VAV2: variants seen among roughly 807,000 people sequenced by gnomAD.
VAV2 encodes vav guanine nucleotide exchange factor 2, also known as guanine nucleotide exchange factor VAV2.
In VAV2, 67 loss-of-function variants were observed where a neutral mutation model predicts 132.5. The observed-to-expected ratio is 0.51, with a 90% CI of 0.42 to 0.62. VAV2 has a LOEUF of 0.62. Ranked by LOEUF, VAV2 falls within the 20% of genes least tolerant of loss-of-function variation. The probability of loss-of-function intolerance (pLI) is 0.00; values close to 1 mark genes in which losing one functional copy is unlikely to be tolerated. For synonymous variants in VAV2, 492 were observed against 443.5 expected, an observed-to-expected ratio of 1.11 and a Z score of -1.37; for missense variants, 938 against 1,153.6, an observed-to-expected ratio of 0.81 and a Z score of 2.71.
In VAV2 at chr9:133,912,176, G is replaced by A. The variant is rs934407308; in HGVS notation, c.321+26927C>T. On this transcript the variant is annotated intron_variant, in intron 2 of 29. Transcript: ENST00000371850. This position sits in a 1 kb window ranked among gnomAD's most constrained non-coding sequence, Gnocchi z 4.3. The stretch of plus-strand genomic sequence containing the variant: ...CCGCTGGTGAACTTAGATCAGCTGC[G>A]GCTACAGTCCCGGCCTCCAACACAC... Among the ~76,000 whole-genome samples the A allele has an allele frequency of 2.6e-5, 4 of 152,178 alleles. No homozygotes were observed. Among genetic ancestry groups the A allele is most frequent in the Admixed American group, 1.3e-4 (2 of 15,274 alleles).
intron 1 of VAV2, among the ~76,000 whole-genome samples, chr9:133,980,815 C>T (rs1159913730): frequency 6.6e-6 from 1 of 152,130 alleles, no homozygotes; most frequent in East Asian, 1.9e-4. Context: ...AACACCCCTT[C>T]CAGCAATGAT....
At chr9:133,803,687 C>T (rs564140828) in intron 9 of VAV2, among the ~76,000 whole-genome samples, 4 of 152,200 alleles carry the variant, frequency 2.6e-5, no homozygotes, top group Admixed American at 6.5e-5. Flanking sequence ...CACTCAGTGC[C>T]GATCATGCCA....
chr9:133,938,585 C>T (rs1354326854), intron 2 of VAV2, among the ~76,000 whole-genome samples: 1 of 152,046 alleles, frequency 6.6e-6, no homozygotes, highest in Non-Finnish European at 1.5e-5. Context: ...TGGAGAATAC[C>T]CCCTCTTTGC....
At chr9:133,987,790 C>T (rs1457307205) in intron 1 of VAV2, among the ~76,000 whole-genome samples, 2 of 152,212 alleles carry the variant, frequency 1.3e-5, no homozygotes, top group Non-Finnish European at 2.9e-5. Flanking sequence ...TCGTTAGGGT[C>T]AGCAGATTGT....
intron 23 of VAV2, 70 bp from the exon 24 acceptor site, chr9:133,776,150 A>G (rs1161325670): frequency 1.9e-6 from 3 of 1,579,302 alleles, no homozygotes; most frequent in Non-Finnish European, 2.6e-6. Context: ...AGAGGGGGTC[A>G]TTGTCAGTGA....
At chr9:133,888,715 C>T (rs1325834650) in intron 2 of VAV2, among the ~76,000 whole-genome samples, 1 of 152,218 alleles carries the variant, frequency 6.6e-6, no homozygotes, top group East Asian at 1.9e-4. Flanking sequence ...GACTCCACCC[C>T]AATTAGTATC....
intron 9 of VAV2, among the ~76,000 whole-genome samples, chr9:133,803,144 G>C (rs938471074): frequency 1.3e-5 from 2 of 152,062 alleles, no homozygotes; most frequent in South Asian, 2.1e-4. Flanking sequence ...TGGAAGTCTC[G>C]GTGCACCAAA....
At chr9:133,871,422 A>G (rs1403032109) in intron 2 of VAV2, among the ~76,000 whole-genome samples, 1 of 148,580 alleles carries the variant, frequency 6.7e-6, no homozygotes, top group Non-Finnish European at 1.5e-5. Context: ...GGATGGATGG[A>G]CAGATGGATG....
intron 7 of VAV2, 33 bp from the exon 8 acceptor site, chr9:133,807,359 C>A: frequency 6.3e-7 from 1 of 1,575,690 alleles, no homozygotes; most frequent in Non-Finnish European, 8.6e-7. Context: ...TGCCACCCTG[C>A]TGCTGTTGCC....
intron 9 of VAV2, among the ~76,000 whole-genome samples, 160 bp downstream of exon 9, chr9:133,805,921 G>C (rs538490655): frequency 6.6e-6 from 1 of 152,140 alleles, no homozygotes; most frequent in East Asian, 1.9e-4. Flanking sequence ...GCTGCGGCTC[G>C]GGGTGGGTGG....
chr9:133,958,913 G>C (rs1321064522), intron 1 of VAV2, among the ~76,000 whole-genome samples: 1 of 152,184 alleles, frequency 6.6e-6, no homozygotes, highest in Non-Finnish European at 1.5e-5. Context: ...GTCACAACCC[G>C]AGGTTCCCAG....
Position 133,833,682 on chromosome 9 carries a change from G to T in VAV2, c.449+590C>A, listed in dbSNP as rs1385259954. On this transcript the variant is annotated intron_variant, in intron 4 of 29. Coordinates refer to ENST00000371850, the MANE Select transcript of VAV2 (RefSeq NM_001134398.2). This position sits in a 1 kb window ranked among gnomAD's most constrained non-coding sequence, Gnocchi z 5.6. ...CCTGGTCACAGATTCCCACGGTCCCGATGGGGCCCTGGTGCTGTGGCCAGG... is the reference window on the plus strand; with the variant it reads ...CCTGGTCACAGATTCCCACGGTCCCTATGGGGCCCTGGTGCTGTGGCCAGG... Among the ~76,000 whole-genome samples, 1 of 152,130 alleles carries T rather than the reference G, an allele frequency of 6.6e-6. No homozygotes were observed. The highest frequency in any genetic ancestry group is 2.4e-5 in the African/African-American group (1 of 41,436).
chr9:133,772,024 T>G lies in VAV2; in HGVS notation c.2158A>C (p.Ile720Leu). 7.0e-7 allele frequency: 1 copy of G among 1,419,756 alleles called. No homozygotes were observed. Among genetic ancestry groups the G allele is most frequent in the Non-Finnish European group, 9.5e-7 (1 of 1,048,160 alleles). 87.9% of individuals were successfully genotyped at this position (1,419,756 alleles called of 1,614,324 possible). A position where few individuals can be genotyped will look rare whatever the true frequency, so the allele number is the denominator to read the frequency against. Reference sequence around the variant, plus strand: ...CAGTTGTCCTTCTCCACCACCTTGATGTGCTTCACCTCATCATTGAACCTG... The same window carrying G: ...CAGTTGTCCTTCTCCACCACCTTGAGGTGCTTCACCTCATCATTGAACCTG... ...SIKFNDEVKH[I>L]KVVEKDNWIH... Residue 720 changes from isoleucine to leucine, a missense_variant, in exon 26 of 30, where the codon ATC becomes CTC. Ile to Leu is a conservative substitution (Grantham distance 5). Transcript: ENST00000371850.
intron 2 of VAV2, among the ~76,000 whole-genome samples, chr9:133,915,709 C>T (rs112252635): frequency 0.014 from 2,178 of 150,496 alleles, 36 homozygotes; most frequent in African/African-American, 0.05. Flanking sequence ...AATGCACAGA[C>T]GCACACGATG....
At chr9:133,948,881 AG>A (rs1841461831) in intron 1 of VAV2, among the ~76,000 whole-genome samples, 1 of 152,200 alleles carries the variant, frequency 6.6e-6, no homozygotes, top group African/African-American at 2.4e-5. Flanking sequence ...CAGGGTAGTG[AG>A]GGGAAGACCC....
intron 2 of VAV2, among the ~76,000 whole-genome samples, chr9:133,916,456 G>A (rs1019527144): frequency 2.0e-5 from 3 of 152,168 alleles, no homozygotes; most frequent in African/African-American, 7.2e-5. Context: ...CAAAAGCGTC[G>A]GCGTCACCAT....
chr9:133,788,312 C>A lies in VAV2; in HGVS notation c.1407+42G>T. ...AACCCAGTGCCTCTCTCCAGGCCAC[C>A]CCCACGTTCCTGGGTAGCAGGGGGG... On this transcript the variant is annotated intron_variant, in intron 15 of 29. Coordinates refer to ENST00000371850, the MANE Select transcript of VAV2 (RefSeq NM_001134398.2). This position sits in a 1 kb window ranked among gnomAD's most constrained non-coding sequence, Gnocchi z 5.3. The A allele has an allele frequency of 6.3e-7, 1 of 1,585,176 alleles. No individual in the cohort carries two copies. Among genetic ancestry groups the A allele is most frequent in the Non-Finnish European group, 8.6e-7 (1 of 1,156,194 alleles).
chr9:133,860,042 C>G (rs971561069), intron 3 of VAV2, among the ~76,000 whole-genome samples: 1 of 152,166 alleles, frequency 6.6e-6, no homozygotes, highest in Non-Finnish European at 1.5e-5. Context: ...GTGGCTCACA[C>G]CTGTAATCCC....
rs577176012 is a variant in VAV2, at chr9:133,884,896, G to A, written c.322-23464C>T. Among the ~76,000 whole-genome samples the A allele has an allele frequency of 5.3e-5, 8 of 152,212 alleles. No homozygotes were observed. Among genetic ancestry groups the A allele is most frequent in the South Asian group, 4.1e-4 (2 of 4,830 alleles). Reference sequence around the variant, plus strand: ...TCCCACTCAGCCAGAGGGGCGCAGCGCTGTCCACAACTCACACCCTCAGCC... The same window carrying A: ...TCCCACTCAGCCAGAGGGGCGCAGCACTGTCCACAACTCACACCCTCAGCC... On this transcript the variant is annotated intron_variant, in intron 2 of 29. Coordinates refer to ENST00000371850, the MANE Select transcript of VAV2 (RefSeq NM_001134398.2). This position sits in a 1 kb window ranked among gnomAD's most constrained non-coding sequence, Gnocchi z 5.3.
Sources: gnomAD v4.1 joint callset for allele counts (sites outside exome capture counted in the v4.1 genomes callset) on GRCh38, gnomAD v4.1.1 for gene constraint, Gnocchi (gnomAD v3.1) non-coding constraint, MANE v1.5 for transcripts, NCBI Gene and HGNC (gene_info 2026-07-23, HGNC 2026-07-21) for gene names.